The following CINP variants were observed in gnomAD, a reference collection of about 807,000 sequenced individuals.
The protein encoded by CINP is cyclin-dependent kinase 2-interacting protein.
Under a neutral mutation model 20.5 loss-of-function variants are expected in CINP, and 11 were observed. The observed-to-expected ratio is 0.54, with a 90% CI of 0.34 to 0.89. CINP has a LOEUF of 0.89. CINP is among the 40% of genes least tolerant of loss of function. The probability of loss-of-function intolerance (pLI) is 0.02; values close to 1 mark genes in which losing one functional copy is unlikely to be tolerated. For missense variants in CINP, 213 were observed against 251.0 expected (o/e 0.85, Z 1.02); for synonymous variants, 108 against 102.1 (o/e 1.06, Z -0.35).
chr14:102,350,415 G>A (rs1366128671), intron 3 of CINP, among the ~76,000 whole-genome samples: 3 of 148,760 alleles, frequency 2.0e-5, no homozygotes, highest in Non-Finnish European at 4.4e-5. Context: ...TTTTGCGACA[G>A]GGTCTCATTC....
At chr14:102,359,227 A>AATATATATATATATATATATATATAT (rs10632205) in intron 2 of CINP, among the ~76,000 whole-genome samples, 192 bp downstream of exon 2, 28 of 115,400 alleles carry the variant, frequency 2.4e-4, no homozygotes, top group Non-Finnish European at 3.5e-4. Flanking sequence ...TAAATAACTA[A>AATATATATATATATATATATATATAT]ATATATATAT....
At chr14:102,348,858 A>C in intron 4 of CINP, 99 bp from the exon 5 acceptor site, 1 of 1,078,620 alleles carries the variant, frequency 9.3e-7, no homozygotes, top group Non-Finnish European at 1.4e-6. Flanking sequence ...AAAAACCAGA[A>C]TCAGCAACAG....
In CINP at chr14:102,356,491, A is replaced by G. The variant is rs1040134967; in HGVS notation, c.177-594T>C. Among the ~76,000 whole-genome samples, 4 of 152,020 alleles carry G rather than the reference A, an allele frequency of 2.6e-5. 1 individual carries two copies. Among genetic ancestry groups the G allele is most frequent in the Admixed American group, 2.0e-4 (3 of 15,268 alleles). On this transcript the variant is annotated intron_variant, in intron 2 of 4. Coordinates refer to ENST00000216756, the MANE Select transcript of CINP (RefSeq NM_032630.3). ...TGGTGCTGGATGTACAAAGATGAAT[A>G]AGACATGGATCATTTCCTCAAAGAG...
Position 102,361,723 on chromosome 14 carries a change from A to G in CINP, c.7+1122T>C, listed in dbSNP as rs1014531411. ...CTAAGTATTAGCTTGGTGCAAAAGT[A>G]ACAGATTTTGCCATTACTTTTAACA... On this transcript the variant is annotated intron_variant, in intron 1 of 4. Coordinates refer to ENST00000216756, the MANE Select transcript of CINP (RefSeq NM_032630.3). Among the ~76,000 whole-genome samples the G allele has an allele frequency of 2.6e-5, 4 of 151,360 alleles. No individual in the cohort carries two copies. In the East Asian group the frequency reaches 7.7e-4, roughly 29 times the overall value.
At chr14:102,361,218 G>A (rs1345956399) in intron 1 of CINP, among the ~76,000 whole-genome samples, 1 of 152,064 alleles carries the variant, frequency 6.6e-6, no homozygotes, top group Non-Finnish European at 1.5e-5. Context: ...TGAGGTTGGT[G>A]AGTTCAAAAA....
At position 102,353,982 on chromosome 14, in the gene CINP, G is replaced by A. The variant is rs569971696; in HGVS notation, c.306+1786C>T. 7.2e-5 allele frequency among the ~76,000 whole-genome samples: 11 copies of A among 152,270 alleles called. No individual in the cohort carries two copies. The East Asian group carries it at 7.7e-4, about 11-fold the overall frequency. ...TTCATGCTTGTAGTCCCAGCTACTC[G>A]GGAGGCTGAGGCAAGAAGATCACTT... On this transcript the variant is annotated intron_variant, in intron 3 of 4. Transcript: ENST00000216756.
At chr14:102,361,172 A>C (rs999493395) in intron 1 of CINP, among the ~76,000 whole-genome samples, 4 of 152,194 alleles carry the variant, frequency 2.6e-5, no homozygotes, top group African/African-American at 9.7e-5. Context: ...AGCCAGAAAT[A>C]GGGTAGGTCA....
chr14:102,362,429 G>A, intron 1 of CINP: 1 of 660,780 alleles, frequency 1.5e-6, no homozygotes, highest in Non-Finnish European at 2.8e-6. Flanking sequence ...TCAGCAAACT[G>A]AGCACTAGGC....
At chr14:102,357,465 G>A (rs1487406714) in intron 2 of CINP, among the ~76,000 whole-genome samples, 1 of 150,708 alleles carries the variant, frequency 6.6e-6, no homozygotes, top group African/African-American at 2.4e-5. Context: ...TGAAGGCAAA[G>A]GAAAAGTTAC....
At chr14:102,358,995 A>C (rs1887063521) in intron 2 of CINP, among the ~76,000 whole-genome samples, 1 of 151,990 alleles carries the variant, frequency 6.6e-6, no homozygotes, top group Admixed American at 6.6e-5. Context: ...ACGTAAGGTC[A>C]GGAGTTCGAG....
intron 3 of CINP, among the ~76,000 whole-genome samples, chr14:102,350,794 T>TTC (rs1281318984): frequency 1.9e-4 from 28 of 150,794 alleles, no homozygotes; most frequent in East Asian, 3.9e-4. Flanking sequence ...GTTTCTGATG[T>TTC]TCTCTCTCTC....
At position 102,355,897 on chromosome 14, in the gene CINP, C is replaced by G. The variant is rs1021327653; in HGVS notation, c.177G>C (p.Leu59Phe). The change falls in exon 3 of 5, where the codon TTG (leucine) becomes TTC (phenylalanine). Residue 59 changes from leucine to phenylalanine, a missense_variant and splice_region_variant. Leu to Phe is a conservative substitution (Grantham distance 22). Coordinates refer to ENST00000216756, the MANE Select transcript of CINP (RefSeq NM_032630.3). ...NNIANLKISL[L>F]NKDKIELDSS... ...TGTCTAGTTCTATCTTGTCTTTATT[C>G]CTAAACAAAATAGAAAATAATGTGT... is the stretch of plus-strand genomic sequence containing the variant. 6.2e-7 allele frequency: 1 copy of G among 1,613,532 alleles called. No homozygotes were observed. The highest frequency in any genetic ancestry group is 8.5e-7 in the Non-Finnish European group (1 of 1,179,818).
intron 4 of CINP, 48 bp downstream of exon 4, chr14:102,349,871 T>A (rs1886825807): frequency 6.2e-7 from 1 of 1,608,068 alleles, no homozygotes; most frequent in Admixed American, 1.7e-5. Context: ...CTAAATGCCC[T>A]TAATAACCTT....
chr14:102,361,438 G>C (rs974332326), intron 1 of CINP, among the ~76,000 whole-genome samples: 11 of 152,136 alleles, frequency 7.2e-5, no homozygotes, highest in African/African-American at 2.4e-4. Flanking sequence ...AGGAGATCGA[G>C]ACCATCCTGG....
intron 2 of CINP, among the ~76,000 whole-genome samples, chr14:102,356,628 A>G (rs960918711): frequency 6.6e-6 from 1 of 152,230 alleles, no homozygotes; most frequent in African/African-American, 2.4e-5. Flanking sequence ...CTCTGTATGT[A>G]GAGCAAGTCA....
At chr14:102,353,670 A>G (rs950998123) in intron 3 of CINP, among the ~76,000 whole-genome samples, 10 of 152,178 alleles carry the variant, frequency 6.6e-5, no homozygotes, top group Non-Finnish European at 1.5e-4. Flanking sequence ...CCTGACCAGT[A>G]TCCCTCAACA....
rs1183347562 is a variant in CINP at position 102,351,907 on chromosome 14, CAG to C, written c.307-1861_307-1860del. ...GTTTTTGTTTTTGTTTTTTTTGAGA[CAG>C]AGTCTCGCTTTGTCACCCAGGCTGG... On this transcript the variant is annotated intron_variant, in intron 3 of 4. Coordinates refer to ENST00000216756, the MANE Select transcript of CINP (RefSeq NM_032630.3). This position sits in a 1 kb window ranked among gnomAD's most constrained non-coding sequence, Gnocchi z 4.2. 1.3e-5 allele frequency among the ~76,000 whole-genome samples: 2 copies of C among 152,006 alleles called. No individual in the cohort carries two copies. Among genetic ancestry groups the C allele is most frequent in the Non-Finnish European group, 2.9e-5 (2 of 67,990 alleles).
At position 102,359,488 on chromosome 14, in the gene CINP, T is replaced by C. The variant is rs1567306900; in HGVS notation, c.107A>G (p.Lys36Arg). 1 of 1,613,034 alleles carries C rather than the reference T, an allele frequency of 6.2e-7. No homozygotes were observed. Among genetic ancestry groups the C allele is most frequent in the African/African-American group, 1.3e-5 (1 of 74,890 alleles). The change falls in exon 2 of 5, where the codon AAG (lysine) becomes AGG (arginine). Residue 36 changes from lysine to arginine, a missense_variant. Coordinates refer to ENST00000216756, the MANE Select transcript of CINP (RefSeq NM_032630.3). ...ACCTGCATCATTGAGGGTTTCCCAC[T>C]TCAGGATTAAATTGTGCCAATCAGC... ...NAADWHNLIL[K>R]WETLNDAGFT... is the part of the protein sequence containing the mutation.
At chr14:102,349,617 C>G (rs1008797085) in intron 4 of CINP, among the ~76,000 whole-genome samples, 1 of 152,122 alleles carries the variant, frequency 6.6e-6, no homozygotes, top group African/African-American at 2.4e-5. Flanking sequence ...CTTCCTTTCC[C>G]CCCCTCAAAA....
Sources: allele counts gnomAD v4.1 joint callset (sites outside exome capture counted in the v4.1 genomes callset), GRCh38; gene constraint gnomAD v4.1.1; non-coding constraint Gnocchi (gnomAD v3.1); transcripts MANE v1.5; gene names NCBI Gene and HGNC (gene_info 2026-07-23, HGNC 2026-07-21).